CNTNAP4: variants seen among roughly 807,000 people sequenced by gnomAD.
CNTNAP4 encodes contactin associated protein family member 4.
CNTNAP4 carries 98 observed loss-of-function variants against 148.4 expected under a neutral mutation model. That is an observed-to-expected ratio of 0.66 (90% confidence interval 0.56 to 0.78). The LOEUF is 0.78. Among genes scored for constraint, CNTNAP4 ranks in the 30% least tolerant of loss-of-function variants. CNTNAP4 has a pLI of 0.00. For missense variants in CNTNAP4, 1,935 were observed against 1,565.6 expected (o/e 1.24, Z -3.98); for synonymous variants, 730 against 565.1 (o/e 1.29, Z -4.14).
At chr16:76,278,714 G>A (rs184731592) in intron 1 of CNTNAP4, among the ~76,000 whole-genome samples, 36 of 152,294 alleles carry the variant, frequency 2.4e-4, no homozygotes, top group African/African-American at 8.4e-4. Context: ...TGGCTATGAG[G>A]CCTGTCCAGG....
intron 2 of CNTNAP4, among the ~76,000 whole-genome samples, chr16:76,317,287 A>T (rs1337658272): frequency 1.7e-5 from 2 of 120,212 alleles, no homozygotes; most frequent in Non-Finnish European, 3.6e-5. Context: ...CCAAAAAAAA[A>T]AAAACCCAAA....
chr16:76,308,464 A>G (rs558334703), intron 1 of CNTNAP4, among the ~76,000 whole-genome samples: 1 of 152,204 alleles, frequency 6.6e-6, no homozygotes, highest in Non-Finnish European at 1.5e-5. Context: ...ACAGTGCAGC[A>G]GCTTCCTCCA....
At position 76,315,881 on chromosome 16, in the gene CNTNAP4, C is replaced by T. The variant is rs139538197; in HGVS notation, c.86-532C>T. Among the ~76,000 whole-genome samples the T allele has an allele frequency of 6.7e-3, 1,024 of 151,776 alleles. 7 individuals are homozygous for T. Among genetic ancestry groups the T allele is most frequent in the African/African-American group, 0.024 (993 of 41,382 alleles). ...AAGTGCTGGGACCACAGGTGTGAGC[C>T]ACCACGCCAGGCTGTGCTGTGAAGT... On this transcript the variant is annotated intron_variant, in intron 1 of 23. Transcript: ENST00000611870.
intron 9 of CNTNAP4, 28 bp from the exon 10 acceptor site, chr16:76,467,324 C>T (rs763779008): frequency 2.5e-5 from 40 of 1,599,986 alleles, no homozygotes; most frequent in Admixed American, 1.5e-4. Flanking sequence ...CATTGTGATG[C>T]GTACTGGATT....
At chr16:76,546,688 C>A (rs1311913019) in intron 21 of CNTNAP4, among the ~76,000 whole-genome samples, 1 of 152,126 alleles carries the variant, frequency 6.6e-6, no homozygotes, top group African/African-American at 2.4e-5. Flanking sequence ...GCCATCCCCC[C>A]ACTCCCATCT....
intron 3 of CNTNAP4, among the ~76,000 whole-genome samples, chr16:76,398,334 C>A (rs993116871): frequency 3.9e-5 from 6 of 151,942 alleles, no homozygotes; most frequent in African/African-American, 1.5e-4. Flanking sequence ...CAATACTTTG[C>A]ATCCTTCAGT....
At chr16:76,552,291 G>A (rs1006927020) in intron 21 of CNTNAP4, among the ~76,000 whole-genome samples, 13 of 152,028 alleles carry the variant, frequency 8.6e-5, no homozygotes, top group African/African-American at 3.1e-4. Context: ...GGGATTATGG[G>A]GATTACAATT....
chr16:76,398,659 G>C (rs1294230013), intron 3 of CNTNAP4, among the ~76,000 whole-genome samples: 1 of 152,102 alleles, frequency 6.6e-6, no homozygotes, highest in Non-Finnish European at 1.5e-5. Flanking sequence ...AGTTATAACA[G>C]TGTACACTCC....
rs1407133668 is a variant in CNTNAP4 at position 76,283,966 on chromosome 16, G to T, written c.85+6219G>T. Among the ~76,000 whole-genome samples, 6 of 152,128 alleles carry T rather than the reference G, an allele frequency of 3.9e-5. No homozygotes were observed. In the East Asian group the frequency reaches 9.6e-4, roughly 24 times the overall value. On this transcript the variant is annotated intron_variant, in intron 1 of 23. Transcript: ENST00000611870. ...TCCAACATTGTTATGTGCATGTTCA[G>T]ATTGTTAGTTGAATATATCTGATGA...
At chr16:76,484,023 T>G (rs1391802984) in intron 12 of CNTNAP4, among the ~76,000 whole-genome samples, 1 of 151,860 alleles carries the variant, frequency 6.6e-6, no homozygotes, top group African/African-American at 2.4e-5. Context: ...ATTGAATATA[T>G]TATTTAAATT....
intron 7 of CNTNAP4, among the ~76,000 whole-genome samples, 164 bp from the exon 8 acceptor site, chr16:76,452,344 T>C (rs34174420): frequency 0.36 from 55,009 of 152,074 alleles, 11,188 homozygotes; most frequent in Middle Eastern, 0.47. Context: ...AGCAAAGGGT[T>C]GAAGAACCTT....
intron 3 of CNTNAP4, among the ~76,000 whole-genome samples, chr16:76,371,280 TTTTTG>T (rs761683272): frequency 1.3e-5 from 2 of 151,952 alleles, no homozygotes; most frequent in African/African-American, 2.4e-5. Flanking sequence ...CTGTTTTCGT[TTTTTG>T]TTTTGTTTTG....
At chr16:76,444,819 G>T (rs963049317) in intron 4 of CNTNAP4, among the ~76,000 whole-genome samples, 1 of 151,880 alleles carries the variant, frequency 6.6e-6, no homozygotes, top group Admixed American at 6.6e-5. Flanking sequence ...AAGTTTTCCT[G>T]TACTGATAAT....
chr16:76,418,729 GTT>G (rs111245948), intron 3 of CNTNAP4, among the ~76,000 whole-genome samples: 63,294 of 149,686 alleles, frequency 0.42, 13,692 homozygotes, highest in African/African-American at 0.51. Context: ...AGAGTGTGGG[GTT>G]TTTTTTTTTC....
At chr16:76,416,710 T>C (rs2078998051) in intron 3 of CNTNAP4, among the ~76,000 whole-genome samples, 1 of 151,430 alleles carries the variant, frequency 6.6e-6, no homozygotes, top group African/African-American at 2.4e-5. Context: ...CTGCTGTTGT[T>C]GGGTGAAATG....
At chr16:76,286,678 TGG>T (rs1193233158) in intron 1 of CNTNAP4, among the ~76,000 whole-genome samples, 3 of 152,078 alleles carry the variant, frequency 2.0e-5, no homozygotes, top group African/African-American at 7.2e-5. Context: ...GTGATACGGG[TGG>T]CAAGAGAAGG....
intron 1 of CNTNAP4, among the ~76,000 whole-genome samples, chr16:76,286,038 C>T (rs1426362060): frequency 6.6e-6 from 1 of 152,078 alleles, no homozygotes; most frequent in Non-Finnish European, 1.5e-5. Context: ...ATCTTTAAGA[C>T]TTGTCTTCAG....
intron 4 of CNTNAP4, among the ~76,000 whole-genome samples, chr16:76,428,139 T>TA (rs1386175457): frequency 6.6e-6 from 1 of 152,140 alleles, no homozygotes; most frequent in Non-Finnish European, 1.5e-5. Context: ...TACTTTCACA[T>TA]AAAAAAGATA....
intron 1 of CNTNAP4, among the ~76,000 whole-genome samples, chr16:76,286,914 T>C (rs1958911460): frequency 2.0e-5 from 3 of 152,170 alleles, no homozygotes; most frequent in African/African-American, 2.4e-5. Context: ...TCTATCTAAA[T>C]TGGTGATGAG....
Sources: allele counts gnomAD v4.1 joint callset (sites outside exome capture counted in the v4.1 genomes callset), GRCh38; gene constraint gnomAD v4.1.1; transcripts MANE v1.5; gene names NCBI Gene and HGNC (gene_info 2026-07-23, HGNC 2026-07-21).